The following PHYHIPL variants were observed in gnomAD, a reference collection of about 807,000 sequenced individuals.
PHYHIPL encodes the protein phytanoyl-CoA hydroxylase-interacting protein-like.
PHYHIPL carries 9 observed loss-of-function variants against 33.4 expected under a neutral mutation model. That is an observed-to-expected ratio of 0.27 (90% confidence interval 0.16 to 0.47). The LOEUF (loss-of-function observed/expected upper bound fraction) is 0.47, where lower values mean the gene tolerates loss of function less well. Among genes scored for constraint, PHYHIPL ranks in the 20% least tolerant of loss-of-function variants. PHYHIPL has a pLI of 0.99. For missense variants in PHYHIPL, 365 were observed against 460.7 expected, an observed-to-expected ratio of 0.79 and a Z score of 1.90; for synonymous variants, 153 against 154.1, an observed-to-expected ratio of 0.99 and a Z score of 0.05.
At chr10:59,179,321 A>T (rs1408333107) in intron 1 of PHYHIPL, among the ~76,000 whole-genome samples, 1 of 152,178 alleles carries the variant, frequency 6.6e-6, no homozygotes, top group South Asian at 2.1e-4. Context: ...TCGTTATTTT[A>T]CTTCTGTAAC....
At chr10:59,184,612 C>T (rs368574757) in intron 1 of PHYHIPL, among the ~76,000 whole-genome samples, 38 of 151,320 alleles carry the variant, frequency 2.5e-4, no homozygotes, top group East Asian at 2.3e-3. Context: ...TAGGCAGTGA[C>T]GGAAACAGGC....
chr10:59,239,381 C>T (rs1840323165), intron 4 of PHYHIPL, among the ~76,000 whole-genome samples: 1 of 151,920 alleles, frequency 6.6e-6, no homozygotes, highest in Non-Finnish European at 1.5e-5. Flanking sequence ...TCTCATGAGA[C>T]TCATTCACTA....
chr10:59,176,397 C>T (rs1262703282), upstream of PHYHIPL, among the ~76,000 whole-genome samples: 5 of 152,120 alleles, frequency 3.3e-5, no homozygotes, highest in Admixed American at 1.3e-4. Context: ...AGCGCTCGCC[C>T]TTCCCGCGCG....
At chr10:59,198,403 A>G (rs1251360845) in intron 1 of PHYHIPL, among the ~76,000 whole-genome samples, 1 of 152,122 alleles carries the variant, frequency 6.6e-6, no homozygotes, top group Non-Finnish European at 1.5e-5. Flanking sequence ...TTATGGCTGC[A>G]TAGTATTCCA....
chr10:59,236,737 A>G (rs1275613248), intron 3 of PHYHIPL, 80 bp downstream of exon 3: 1 of 1,248,478 alleles, frequency 8.0e-7, no homozygotes, highest in African/African-American at 1.6e-5. Context: ...TCTTTTTTGT[A>G]ATTATAAAGT....
chr10:59,180,180 G>A (rs992562943), intron 1 of PHYHIPL, among the ~76,000 whole-genome samples: 1 of 149,046 alleles, frequency 6.7e-6, no homozygotes, highest in Non-Finnish European at 1.5e-5. Flanking sequence ...TCACTGACCT[G>A]TGACAAGACA....
At chr10:59,216,969 T>A (rs1432488324) in intron 1 of PHYHIPL, among the ~76,000 whole-genome samples, 1 of 152,150 alleles carries the variant, frequency 6.6e-6, no homozygotes, top group African/African-American at 2.4e-5. Context: ...AACAAGTCAG[T>A]CATACTTCTA....
intron 1 of PHYHIPL, among the ~76,000 whole-genome samples, chr10:59,198,108 G>T (rs1175927351): frequency 6.6e-6 from 1 of 151,954 alleles, no homozygotes; most frequent in Non-Finnish European, 1.5e-5. Context: ...CAACGTGCTG[G>T]TTTCTTACAT....
intron 1 of PHYHIPL, among the ~76,000 whole-genome samples, chr10:59,198,980 C>A (rs1055301951): frequency 6.6e-6 from 1 of 152,066 alleles, no homozygotes; most frequent in African/African-American, 2.4e-5. Context: ...GAGTAGATTG[C>A]GAAAATTTTC....
intron 1 of PHYHIPL, among the ~76,000 whole-genome samples, chr10:59,227,256 T>A (rs759269584): frequency 1.3e-5 from 2 of 152,154 alleles, no homozygotes; most frequent in Non-Finnish European, 2.9e-5. Flanking sequence ...AGCTAGCTTC[T>A]GGTGAGGGTC....
chr10:59,240,893 GAATA>G (rs1202929656), intron 4 of PHYHIPL, among the ~76,000 whole-genome samples: 1 of 151,936 alleles, frequency 6.6e-6, no homozygotes, highest in Admixed American at 6.6e-5. Flanking sequence ...ATGCTTCCAA[GAATA>G]AATAAATAAA....
At chr10:59,174,301 A>G (rs945799498), upstream of PHYHIPL, among the ~76,000 whole-genome samples, 1 of 151,982 alleles carries the variant, frequency 6.6e-6, no homozygotes, top group Non-Finnish European at 1.5e-5. Flanking sequence ...TACTTTACCT[A>G]CTTCATAGCC....
chr10:59,229,844 T>C (rs1300597041), intron 1 of PHYHIPL, among the ~76,000 whole-genome samples: 1 of 151,094 alleles, frequency 6.6e-6, no homozygotes, highest in Admixed American at 6.6e-5. Context: ...TCAGCCATTG[T>C]TACAGGCGCA....
At chr10:59,201,935 G>A (rs983717456) in intron 1 of PHYHIPL, among the ~76,000 whole-genome samples, 1 of 152,138 alleles carries the variant, frequency 6.6e-6, no homozygotes, top group Non-Finnish European at 1.5e-5. Context: ...TTGTGGTAGA[G>A]TTAGGGGTCA....
intron 4 of PHYHIPL, among the ~76,000 whole-genome samples, chr10:59,242,151 G>A (rs1840422477): frequency 6.6e-6 from 1 of 152,128 alleles, no homozygotes; most frequent in Non-Finnish European, 1.5e-5. Flanking sequence ...CCTGAATAGG[G>A]AGCCTGGATT....
intron 1 of PHYHIPL, among the ~76,000 whole-genome samples, chr10:59,206,200 A>G (rs1408800749): frequency 1.3e-5 from 2 of 152,064 alleles, no homozygotes; most frequent in African/African-American, 4.8e-5. Flanking sequence ...TTTGCCTTTC[A>G]TGGTTTCTCA....
Position 59,224,900 on chromosome 10 carries a change from A to G in PHYHIPL, c.107-9404A>G, listed in dbSNP as rs114948018. ...CTCAGAAAGAGGAGTATATAAATCTATAACATAAAAATAGTAACTCTGCTA... is the reference window on the plus strand; with the variant it reads ...CTCAGAAAGAGGAGTATATAAATCTGTAACATAAAAATAGTAACTCTGCTA... On this transcript the variant is annotated intron_variant, in intron 1 of 4. Transcript: ENST00000373880. 3.7e-3 allele frequency among the ~76,000 whole-genome samples: 560 copies of G among 152,168 alleles called. 6 individuals are homozygous for G. The highest frequency in any genetic ancestry group is 0.013 in the African/African-American group (545 of 41,540).
At chr10:59,234,743 G>C (rs959352688) in intron 2 of PHYHIPL, among the ~76,000 whole-genome samples, 1 of 151,782 alleles carries the variant, frequency 6.6e-6, no homozygotes, top group Non-Finnish European at 1.5e-5. Flanking sequence ...CTATCATCTA[G>C]ATGTAAAAAT....
chr10:59,211,181 T>TG (rs1839428242), intron 1 of PHYHIPL, among the ~76,000 whole-genome samples: 1 of 151,992 alleles, frequency 6.6e-6, no homozygotes. Context: ...GAGACCAGCC[T>TG]GGGGAACATA....
Sources: gnomAD v4.1 joint callset for allele counts (sites outside exome capture counted in the v4.1 genomes callset) on GRCh38, gnomAD v4.1.1 for gene constraint, MANE v1.5 for transcripts, NCBI Gene and HGNC (gene_info 2026-07-23, HGNC 2026-07-21) for gene names.